The following TBX15 variants were observed in gnomAD, a reference collection of about 807,000 sequenced individuals.
TBX15 encodes T-box transcription factor TBX15.
A neutral mutation model predicts 53.9 loss-of-function variants in TBX15; 18 were observed. That is an observed-to-expected ratio of 0.33 (90% CI 0.23 to 0.49). The LOEUF is 0.49. TBX15 is among the 20% of genes least tolerant of loss of function. The probability of loss-of-function intolerance (pLI) is 0.98; values close to 1 mark genes in which losing one functional copy is unlikely to be tolerated. For missense variants in TBX15, 692 were observed against 749.5 expected (o/e 0.92, Z 0.90); for synonymous variants, 295 against 278.0 (o/e 1.06, Z -0.61).
intron 1 of TBX15, among the ~76,000 whole-genome samples, chr1:118,935,071 G>C (rs1334955638): frequency 3.3e-5 from 5 of 152,042 alleles, no homozygotes; most frequent in African/African-American, 9.7e-5. Context: ...CTTCTAGAAG[G>C]GTTAGGGCCA....
intron 1 of TBX15, among the ~76,000 whole-genome samples, chr1:118,971,705 A>G (rs1012967474): frequency 2.0e-5 from 3 of 152,234 alleles, no homozygotes; most frequent in Non-Finnish European, 4.4e-5. Flanking sequence ...CAATTGTGTG[A>G]GTGTGCATAT....
chr1:118,939,420 A>AAAAAAC (rs1656078675), intron 1 of TBX15, among the ~76,000 whole-genome samples: 1 of 125,224 alleles, frequency 8.0e-6, no homozygotes, highest in African/African-American at 3.1e-5. Context: ...AAAAAAAAAA[A>AAAAAAC]AAAAAAAAAA....
intron 3 of TBX15, among the ~76,000 whole-genome samples, 156 bp downstream of exon 3, chr1:118,926,354 T>G (rs1655594163): frequency 1.3e-5 from 2 of 152,214 alleles, no homozygotes. Context: ...GTTAACACTT[T>G]TTCCACCTGG....
intron 1 of TBX15, among the ~76,000 whole-genome samples, chr1:118,938,181 A>C (rs1656026686): frequency 6.6e-6 from 1 of 152,300 alleles, no homozygotes; most frequent in Admixed American, 6.5e-5. Context: ...TTAAACTAAA[A>C]TTATGATGAT....
At chr1:118,944,796 C>G (rs1335614289) in intron 1 of TBX15, among the ~76,000 whole-genome samples, 1 of 152,160 alleles carries the variant, frequency 6.6e-6, no homozygotes, top group Non-Finnish European at 1.5e-5. Flanking sequence ...TCATGATGAC[C>G]CAGCCTGAAC....
At chr1:118,911,304 G>T (rs1458553162) in intron 6 of TBX15, among the ~76,000 whole-genome samples, 2 of 152,224 alleles carry the variant, frequency 1.3e-5, no homozygotes, top group Non-Finnish European at 2.9e-5. Context: ...AGTACTTAAA[G>T]TAGCCCTCAG....
At chr1:118,921,972 GTA>G (rs1436811946) in intron 5 of TBX15, among the ~76,000 whole-genome samples, 1 of 152,190 alleles carries the variant, frequency 6.6e-6, no homozygotes, top group Non-Finnish European at 1.5e-5. Context: ...AGTCCGAAAA[GTA>G]TAGTTAGGTA....
chr1:118,960,037 C>A (rs1269924662), intron 1 of TBX15, among the ~76,000 whole-genome samples: 1 of 147,640 alleles, frequency 6.8e-6, no homozygotes, highest in Non-Finnish European at 1.5e-5. Context: ...TGAAGAATCA[C>A]TGGAGCAAAG....
chr1:118,914,071 AAT>A (rs1187767970), intron 6 of TBX15, 42 bp downstream of exon 6: 1 of 1,594,360 alleles, frequency 6.3e-7, no homozygotes, highest in African/African-American at 1.3e-5. Flanking sequence ...TGAGGGAAGT[AAT>A]GTCACATAGA....
Position 118,885,060 on chromosome 1 carries a change from T to C in TBX15, c.1481A>G (p.His494Arg). Residue 494 changes from histidine (H) to arginine (R), a missense_variant, in exon 8 of 8, where the codon CAC (histidine) becomes CGC (arginine). His to Arg is a conservative substitution (Grantham distance 29). Coordinates refer to ENST00000369429, the MANE Select transcript of TBX15 (RefSeq NM_001330677.2). ...CTGCATGTGGCTGCCCCCGAACATGTGTGGTGATGAGGAGCTGGAGGCAGC... is the reference window on the plus strand; with the variant it reads ...CTGCATGTGGCTGCCCCCGAACATGCGTGGTGATGAGGAGCTGGAGGCAGC... The part of the protein sequence containing the change: ...GNAASSSSSP[H>R]MFGGSHMQQS... The C allele has an allele frequency of 6.2e-7, 1 of 1,614,056 alleles. No individual in the cohort carries two copies. The highest frequency in any genetic ancestry group is 1.1e-5 in the South Asian group (1 of 91,080).
intron 1 of TBX15, among the ~76,000 whole-genome samples, chr1:118,934,885 G>C (rs979715386): frequency 1.3e-5 from 2 of 152,174 alleles, no homozygotes; most frequent in Non-Finnish European, 2.9e-5. Context: ...TGAACTTCTA[G>C]ATTTTCACTC....
chr1:118,907,274 G>A (rs145583359), intron 6 of TBX15, among the ~76,000 whole-genome samples: 3 of 152,198 alleles, frequency 2.0e-5, no homozygotes, highest in African/African-American at 7.2e-5. Context: ...GTCACAGACA[G>A]GATGAAGGCT....
intron 1 of TBX15, among the ~76,000 whole-genome samples, chr1:118,957,509 T>C (rs1341731965): frequency 2.0e-5 from 3 of 152,218 alleles, no homozygotes; most frequent in Admixed American, 6.5e-5. Context: ...TTAGGGTACA[T>C]GTGCACAACG....
intron 5 of TBX15, among the ~76,000 whole-genome samples, chr1:118,914,938 C>T (rs957757355): frequency 1.4e-4 from 21 of 152,168 alleles, no homozygotes; most frequent in Non-Finnish European, 2.2e-4. Context: ...CCAGCTTGGT[C>T]CTCAGGGGCC....
At chr1:118,956,962 C>CAA (rs11417425) in intron 1 of TBX15, among the ~76,000 whole-genome samples, 18,531 of 141,682 alleles carry the variant, frequency 0.13, 1,653 homozygotes, top group Non-Finnish European at 0.18. Context: ...GACTCCATCT[C>CAA]AAAAAAAAAA....
At chr1:118,910,543 A>G (rs1223389808) in intron 6 of TBX15, among the ~76,000 whole-genome samples, 2 of 152,176 alleles carry the variant, frequency 1.3e-5, no homozygotes, top group Admixed American at 6.5e-5. Flanking sequence ...AATTCTCTGT[A>G]TCCTCATCTA....
intron 1 of TBX15, among the ~76,000 whole-genome samples, chr1:118,965,150 C>T (rs1045843013): frequency 6.6e-6 from 1 of 152,162 alleles, no homozygotes; most frequent in African/African-American, 2.4e-5. Context: ...TGAAAGCCTC[C>T]GGCACTGAAG....
chr1:118,886,933 A>G (rs769323145), intron 7 of TBX15, among the ~76,000 whole-genome samples: 7 of 152,188 alleles, frequency 4.6e-5, no homozygotes, highest in Non-Finnish European at 1.0e-4. Context: ...CAGGTGGATG[A>G]TGCACCGACA....
intron 1 of TBX15, among the ~76,000 whole-genome samples, chr1:118,982,795 A>C (rs1011504000): frequency 6.6e-6 from 1 of 152,244 alleles, no homozygotes; most frequent in African/African-American, 2.4e-5. Context: ...CCTGTTTAAG[A>C]AATTTAATTC....
Sources: gnomAD v4.1 joint callset for allele counts (sites outside exome capture counted in the v4.1 genomes callset) on GRCh38, gnomAD v4.1.1 for gene constraint, MANE v1.5 for transcripts, NCBI Gene and HGNC (gene_info 2026-07-23, HGNC 2026-07-21) for gene names.